Variants in IGDCC3 observed in about 807,000 individuals in gnomAD.
IGDCC3 encodes putative neuronal cell adhesion molecule.
Under a neutral mutation model 72.0 loss-of-function variants are expected in IGDCC3, and 47 were observed. The observed-to-expected ratio is 0.65, with a 90% CI of 0.52 to 0.83. The LOEUF (loss-of-function observed/expected upper bound fraction) is 0.83. IGDCC3 is among the 40% of genes least tolerant of loss of function. The pLI, the probability that IGDCC3 is intolerant of heterozygous loss-of-function variation, is 0.00. For missense variants in IGDCC3, 1,038 were observed against 1,091.3 expected (o/e 0.95, Z 0.69); for synonymous variants, 477 against 472.8 (o/e 1.01, Z -0.11).
chr15:65,368,203 C>T (rs550180192), intron 2 of IGDCC3, among the ~76,000 whole-genome samples: 7 of 150,874 alleles, frequency 4.6e-5, no homozygotes, highest in Non-Finnish European at 8.9e-5. Flanking sequence ...CACACACCAG[C>T]CTGCAGGCAC....
At chr15:65,354,421 C>A (rs745467224) in intron 2 of IGDCC3, among the ~76,000 whole-genome samples, 77 of 152,268 alleles carry the variant, frequency 5.1e-4, no homozygotes, top group Non-Finnish European at 1.0e-3. Flanking sequence ...AACTCTGTTG[C>A]CCCTTTTTCT....
intron 2 of IGDCC3, among the ~76,000 whole-genome samples, chr15:65,353,190 C>CTT (rs575582153): frequency 6.9e-6 from 1 of 144,414 alleles, no homozygotes; most frequent in Non-Finnish European, 1.5e-5. Context: ...GACAAGCGTA[C>CTT]TTTTTTTTTT....
rs141214411 is a variant in IGDCC3, at chr15:65,374,302, C to T, written c.409+795G>A. ...AGCCATGACCCCACTGCCCACAGCT[C>T]GCCACCTCCCTGGGATACATGGAGA... On this transcript the variant is annotated intron_variant, in intron 2 of 13. Transcript: ENST00000327987. Among the ~76,000 whole-genome samples, 264 of 152,284 alleles carry T rather than the reference C, an allele frequency of 1.7e-3. 1 individual carries two copies. The highest frequency in any genetic ancestry group is 5.5e-3 in the African/African-American group (230 of 41,554).
At chr15:65,371,556 G>C (rs1474306613) in intron 2 of IGDCC3, among the ~76,000 whole-genome samples, 1 of 152,182 alleles carries the variant, frequency 6.6e-6, no homozygotes, top group Non-Finnish European at 1.5e-5. Flanking sequence ...GTCAGTCCTT[G>C]GCCTAGAATT....
chr15:65,345,503 G>C (rs2140150589), intron 2 of IGDCC3, among the ~76,000 whole-genome samples: 1 of 152,118 alleles, frequency 6.6e-6, no homozygotes, highest in South Asian at 2.1e-4. Flanking sequence ...GCAGTGAGCT[G>C]TGACTGTGCC....
intron 2 of IGDCC3, among the ~76,000 whole-genome samples, chr15:65,338,505 GA>G (rs1176060484): frequency 6.6e-6 from 1 of 152,164 alleles, no homozygotes; most frequent in Admixed American, 6.5e-5. Flanking sequence ...CGGTGTGGAG[GA>G]AAGGTAATGA....
Position 65,331,033 on chromosome 15 carries a change from C to G in IGDCC3, c.1561+17G>C, listed in dbSNP as rs1184855689. Reference sequence around the variant, plus strand: ...GAGTGAGTGCCTGTGGTTTTGTGCTCCACACCCAGGCCTCACCTTCACCCA... The same window carrying G: ...GAGTGAGTGCCTGTGGTTTTGTGCTGCACACCCAGGCCTCACCTTCACCCA... On this transcript the variant is annotated intron_variant, in intron 9 of 13. Coordinates refer to ENST00000327987, the MANE Select transcript of IGDCC3 (RefSeq NM_004884.4). The G allele has an allele frequency of 1.9e-6, 3 of 1,611,558 alleles. No homozygotes were observed. The highest frequency in any genetic ancestry group is 3.3e-5 in the Admixed American group (2 of 59,866).
At position 65,328,008 on chromosome 15, in the gene IGDCC3, T is replaced by G. The variant is rs62014996; in HGVS notation, c.*901A>C. 0.01 allele frequency: 1,584 copies of G among 152,738 alleles called. 10 individuals carry two copies. Among genetic ancestry groups the G allele is most frequent in the Middle Eastern group, 0.064 (19 of 296 alleles). 9.5% of individuals were successfully genotyped at this position (152,738 alleles called of 1,614,324 possible). ...CTGGGAGGTGGCTCGTTTGGACAAT[T>G]TATACTTCAAGGAACAAATTTCCTC... On this transcript the variant is annotated 3_prime_UTR_variant, in exon 14 of 14. Coordinates refer to ENST00000327987, the MANE Select transcript of IGDCC3 (RefSeq NM_004884.4).
chr15:65,349,458 G>T (rs570440837), intron 2 of IGDCC3, among the ~76,000 whole-genome samples: 1 of 152,150 alleles, frequency 6.6e-6, no homozygotes, highest in Non-Finnish European at 1.5e-5. Flanking sequence ...TATCTCCTTT[G>T]TAAAGTTTTG....
intron 2 of IGDCC3, among the ~76,000 whole-genome samples, chr15:65,374,280 C>T (rs1368023539): frequency 3.9e-5 from 6 of 152,162 alleles, no homozygotes; most frequent in African/African-American, 1.4e-4. Flanking sequence ...CTTTTTCAGC[C>T]ATGACCCCAC....
intron 2 of IGDCC3, among the ~76,000 whole-genome samples, chr15:65,337,665 C>T (rs1028207836): frequency 1.3e-5 from 2 of 152,092 alleles, no homozygotes; most frequent in African/African-American, 2.4e-5. Context: ...GGGAGGGGGC[C>T]GAGGTGCTGC....
At chr15:65,341,477 T>C (rs902324324) in intron 2 of IGDCC3, among the ~76,000 whole-genome samples, 6 of 152,202 alleles carry the variant, frequency 3.9e-5, no homozygotes, top group Admixed American at 1.3e-4. Flanking sequence ...GAAACTTGTG[T>C]CTATTGACAG....
chr15:65,371,106 GC>G (rs538188000), intron 2 of IGDCC3, among the ~76,000 whole-genome samples: 32 of 152,360 alleles, frequency 2.1e-4, no homozygotes, highest in African/African-American at 7.5e-4. Flanking sequence ...GGGAGTGAGG[GC>G]AATCCTGGCT....
chr15:65,366,610 G>A (rs529150970), intron 2 of IGDCC3, among the ~76,000 whole-genome samples: 1 of 152,148 alleles, frequency 6.6e-6, no homozygotes, highest in African/African-American at 2.4e-5. Context: ...AGAGAAGGGC[G>A]GGTGGAGCCC....
chr15:65,330,792 C>T (rs751643493), intron 9 of IGDCC3, 51 bp from the exon 10 acceptor site: 44 of 1,440,340 alleles, frequency 3.1e-5, no homozygotes, highest in Non-Finnish European at 4.0e-5. Flanking sequence ...GAAGCTCTAT[C>T]TTTCTACCTT....
rs1407486793 is a variant in IGDCC3 at position 65,329,457 on chromosome 15, T to C, written c.2138A>G (p.Asp713Gly). The change falls in exon 13 of 14, where the codon GAT (aspartate) becomes GGT (glycine). Residue 713 changes from aspartate (D) to glycine (G), a missense_variant. Asp to Gly is a moderately conservative substitution (Grantham distance 94). Transcript: ENST00000327987. The surrounding 1 kb of genome is among the most constrained non-coding windows in gnomAD (Gnocchi z 4.1). ...GAACAGCTGCTCCAGCTCCTTCATA[T>C]CCACACGTTTCTCGTCTCGGCCCAG... is the stretch of plus-strand genomic sequence containing the variant. Reference protein sequence around the residue: ...GQLGRDEKRVDMKELEQLFPP... With the variant: ...GQLGRDEKRVGMKELEQLFPP... The C allele has an allele frequency of 3.7e-6, 6 of 1,610,596 alleles. No homozygotes were observed. The South Asian group carries it at 6.6e-5, about 18-fold the overall frequency.
intron 2 of IGDCC3, among the ~76,000 whole-genome samples, chr15:65,343,159 C>T (rs752836526): frequency 6.6e-5 from 10 of 152,152 alleles, no homozygotes; most frequent in African/African-American, 2.4e-4. Context: ...AACTGCTTAG[C>T]GCAGGCCTTG....
intron 2 of IGDCC3, among the ~76,000 whole-genome samples, chr15:65,373,172 C>T (rs190650317): frequency 6.6e-6 from 1 of 152,242 alleles, no homozygotes; most frequent in Admixed American, 6.5e-5. Context: ...GCTGGTGATG[C>T]AAAGGCCTCA....
chr15:65,375,180 G>A lies in IGDCC3; in HGVS notation c.326C>T (p.Pro109Leu). 3 of 1,614,196 alleles carry A rather than the reference G, an allele frequency of 1.9e-6. No homozygotes were observed. The highest frequency in any genetic ancestry group is 2.2e-5 in the South Asian group (2 of 91,084). Residue 109 changes from proline to leucine, a missense_variant, in exon 2 of 14, where the codon CCT becomes CTT. Pro to Leu is a moderately conservative substitution (Grantham distance 98, BLOSUM62 -3). Transcript: ENST00000327987. ...ACACTCATAGTCACCTTCATCCGAA[G>A]GGCTGCCTCCCGGCTCCAGCCTGAA... ...RHFRLEPGGSPSDEGDYECVA... is the reference protein window; with the variant it reads ...RHFRLEPGGSLSDEGDYECVA...
Sources: allele counts gnomAD v4.1 joint callset (sites outside exome capture counted in the v4.1 genomes callset), GRCh38; gene constraint gnomAD v4.1.1; non-coding constraint Gnocchi (gnomAD v3.1); transcripts MANE v1.5; gene names NCBI Gene and HGNC (gene_info 2026-07-23, HGNC 2026-07-21).